Variants in SLC13A3 observed in about 807,000 individuals in gnomAD.
SLC13A3 encodes solute carrier family 13 member 3.
Under a neutral mutation model 59.0 loss-of-function variants are expected in SLC13A3, and 40 were observed. The observed-to-expected ratio is 0.68, with a 90% CI of 0.53 to 0.88. The LOEUF (loss-of-function observed/expected upper bound fraction) is 0.88, where lower values mean the gene tolerates loss of function less well. Among genes scored for constraint, SLC13A3 ranks in the 40% least tolerant of loss-of-function variants. The probability of loss-of-function intolerance (pLI) is 0.00; values close to 1 mark genes in which losing one functional copy is unlikely to be tolerated. For missense variants in SLC13A3, 699 were observed against 783.2 expected (o/e 0.89, Z 1.28); for synonymous variants, 317 against 330.3 (o/e 0.96, Z 0.44).
intron 4 of SLC13A3, among the ~76,000 whole-genome samples, chr20:46,598,805 C>T (rs111870845): frequency 3.9e-5 from 6 of 152,164 alleles, no homozygotes; most frequent in South Asian, 2.1e-4. Flanking sequence ...CTCTCCCCCC[C>T]GAAGCCAACT....
intron 10 of SLC13A3, among the ~76,000 whole-genome samples, chr20:46,574,258 G>T (rs2062053498): frequency 6.6e-6 from 1 of 152,206 alleles, no homozygotes; most frequent in African/African-American, 2.4e-5. Flanking sequence ...AAATCAGGGA[G>T]AGTTTGAACC....
intron 1 of SLC13A3, among the ~76,000 whole-genome samples, chr20:46,642,394 C>T (rs2062853619): frequency 6.6e-6 from 1 of 152,152 alleles, no homozygotes; most frequent in African/African-American, 2.4e-5. Context: ...TCCTCATAGG[C>T]CTCCCTTGTC....
At position 46,560,053 on chromosome 20, in the gene SLC13A3, G is replaced by T. The variant is rs1490764879; in HGVS notation, c.1778C>A (p.Thr593Asn). 1 of 1,614,182 alleles carries T rather than the reference G, an allele frequency of 6.2e-7. No homozygotes were observed. The highest frequency in any genetic ancestry group is 1.7e-5 in the Admixed American group (1 of 60,028). The change falls in exon 13 of 13, where the codon ACC becomes AAC. Residue 593 changes from threonine to asparagine, a missense_variant. Physicochemically the swap from Thr to Asn is moderately conservative, Grantham distance 65. Coordinates refer to ENST00000279027, the MANE Select transcript of SLC13A3 (RefSeq NM_022829.6). ...GGTCCGAAATGTGTCATTGGCCAAG[G>T]TGGGTGGCAATGCTGTGACATTGAC... Reference protein sequence around the residue: ...YSVNVTALPPTLANDTFRTL With the variant: ...YSVNVTALPPNLANDTFRTL
intron 3 of SLC13A3, among the ~76,000 whole-genome samples, chr20:46,604,808 G>A (rs2062420774): frequency 6.6e-6 from 1 of 152,230 alleles, no homozygotes; most frequent in African/African-American, 2.4e-5. Flanking sequence ...GGGCACTGAA[G>A]TAGGAAGCGA....
intron 9 of SLC13A3, among the ~76,000 whole-genome samples, chr20:46,580,896 G>T (rs1011811709): frequency 1.3e-5 from 2 of 152,206 alleles, no homozygotes; most frequent in East Asian, 3.9e-4. Flanking sequence ...CCCTTTTCAT[G>T]GCAATGATTC....
At chr20:46,629,143 A>C (rs997918589) in intron 1 of SLC13A3, among the ~76,000 whole-genome samples, 1 of 152,192 alleles carries the variant, frequency 6.6e-6, no homozygotes, top group African/African-American at 2.4e-5. Context: ...TTCAACAACA[A>C]ATATGCACAT....
chr20:46,676,434 T>C (rs1355946787), intron 1 of SLC13A3, among the ~76,000 whole-genome samples: 11 of 140,660 alleles, frequency 7.8e-5, no homozygotes, highest in Admixed American at 3.5e-4. Context: ...TTTTTTTTTT[T>C]AGTAGAGACA....
Position 46,572,388 on chromosome 20 carries a change from A to G in SLC13A3, c.1332+3185T>C, listed in dbSNP as rs383442. The stretch of plus-strand genomic sequence containing the variant: ...TACACAAAGCCCCTGTTGAAGAGAA[A>G]CTCCGGCCAGCTGCCCAGGGCTGGG... On this transcript the variant is annotated intron_variant, in intron 10 of 12. Coordinates refer to ENST00000279027, the MANE Select transcript of SLC13A3 (RefSeq NM_022829.6). 2.4e-3 allele frequency among the ~76,000 whole-genome samples: 358 copies of G among 152,034 alleles called. 2 individuals are homozygous for G. Among genetic ancestry groups the G allele is most frequent in the African/African-American group, 8.3e-3 (346 of 41,456 alleles).
rs796111294 is a variant in SLC13A3 at position 46,558,337 on chromosome 20, G to A, written c.*1685C>T. Reference sequence around the variant, plus strand: ...GAGGGAAGAGCAGTAGAAAATCAGAGAGGTCAACTCTGTGGAATCCCCAGC... The same window carrying A: ...GAGGGAAGAGCAGTAGAAAATCAGAAAGGTCAACTCTGTGGAATCCCCAGC... On this transcript the variant is annotated 3_prime_UTR_variant, in exon 13 of 13. Coordinates refer to ENST00000279027, the MANE Select transcript of SLC13A3 (RefSeq NM_022829.6). 30 of 152,394 alleles carry A rather than the reference G, an allele frequency of 2.0e-4. 1 individual carries two copies. Among genetic ancestry groups the A allele is most frequent in the African/African-American group, 6.7e-4 (28 of 41,592 alleles). The allele number at this position is 152,394 out of a possible 1,614,324, so 9.4% of individuals were successfully genotyped here.
chr20:46,612,147 T>TTTTG (rs1555879622), intron 2 of SLC13A3, among the ~76,000 whole-genome samples: 3 of 145,558 alleles, frequency 2.1e-5, no homozygotes, highest in Non-Finnish European at 3.0e-5. Context: ...TTTTTTTTTT[T>TTTTG]GAGACAGGGT....
intron 8 of SLC13A3, among the ~76,000 whole-genome samples, chr20:46,584,923 T>C (rs1198518483): frequency 6.6e-6 from 1 of 152,194 alleles, no homozygotes; most frequent in Admixed American, 6.5e-5. Context: ...TGAAGTACAC[T>C]GCATCTGTTT....
At chr20:46,570,765 A>G (rs142283518) in intron 10 of SLC13A3, among the ~76,000 whole-genome samples, 346 of 152,322 alleles carry the variant, frequency 2.3e-3, no homozygotes, top group Non-Finnish European at 2.8e-3. Context: ...TTATGGTTGA[A>G]GAAACTGAAG....
chr20:46,636,678 C>T (rs1204905132), intron 1 of SLC13A3, among the ~76,000 whole-genome samples: 1 of 152,214 alleles, frequency 6.6e-6, no homozygotes, highest in Non-Finnish European at 1.5e-5. Context: ...AAGGGAAGTG[C>T]CTGGCTTTCA....
At chr20:46,682,670 T>TATA in intron 1 of SLC13A3, among the ~76,000 whole-genome samples, 1 of 152,306 alleles carries the variant, frequency 6.6e-6, no homozygotes, top group East Asian at 1.9e-4. Context: ...AACGTAACTC[T>TATA]ATAAAGTCAG....
At chr20:46,581,492 G>A (rs1248705771) in intron 9 of SLC13A3, among the ~76,000 whole-genome samples, 1 of 152,236 alleles carries the variant, frequency 6.6e-6, no homozygotes, top group Non-Finnish European at 1.5e-5. Flanking sequence ...CAGAGAGGCT[G>A]TATGACACAC....
At chr20:46,578,573 G>T (rs2062101952) in intron 9 of SLC13A3, among the ~76,000 whole-genome samples, 1 of 152,038 alleles carries the variant, frequency 6.6e-6, no homozygotes, top group Admixed American at 6.5e-5. Flanking sequence ...CTACTTGGGA[G>T]GTTGAGGCAT....
chr20:46,604,702 G>T (rs1009170919), intron 3 of SLC13A3, among the ~76,000 whole-genome samples: 3 of 152,162 alleles, frequency 2.0e-5, no homozygotes, highest in Non-Finnish European at 2.9e-5. Context: ...GCCTGAAGAT[G>T]AAAGTTGAAT....
At chr20:46,594,388 T>C (rs1021423171) in intron 5 of SLC13A3, among the ~76,000 whole-genome samples, 4 of 152,162 alleles carry the variant, frequency 2.6e-5, no homozygotes, top group African/African-American at 9.7e-5. Context: ...GCAGGCAGCC[T>C]GTAAACGCTT....
intron 11 of SLC13A3, 151 bp downstream of exon 11, chr20:46,566,078 A>T (rs570399492): frequency 6.1e-6 from 4 of 655,172 alleles, no homozygotes; most frequent in Admixed American, 2.5e-5. Context: ...TCCAGTATTT[A>T]AAAAAATTGT....
Sources: allele counts gnomAD v4.1 joint callset (sites outside exome capture counted in the v4.1 genomes callset), GRCh38; gene constraint gnomAD v4.1.1; transcripts MANE v1.5; gene names NCBI Gene and HGNC (gene_info 2026-07-23, HGNC 2026-07-21).